SNX30: variants seen among roughly 807,000 people sequenced by gnomAD.
SNX30 encodes sorting nexin family member 30.
In SNX30, 24 loss-of-function variants were observed where a neutral mutation model predicts 46.4. The observed-to-expected ratio is 0.52, with a 90% CI of 0.37 to 0.73. The LOEUF is 0.73. SNX30 is among the 30% of genes least tolerant of loss of function. The probability of loss-of-function intolerance (pLI) is 0.00; values close to 1 mark genes in which losing one functional copy is unlikely to be tolerated. For missense variants in SNX30, 533 were observed against 555.7 expected (o/e 0.96, Z 0.41); for synonymous variants, 189 against 211.5 (o/e 0.89, Z 0.92).
At chr9:112,764,223 T>G (rs984087987) in intron 1 of SNX30, among the ~76,000 whole-genome samples, 1 of 152,180 alleles carries the variant, frequency 6.6e-6, no homozygotes, top group African/African-American at 2.4e-5. Context: ...CAGCACATAC[T>G]AAAGCTTAGC....
rs1841427372 is a variant in SNX30, at chr9:112,870,423, G to A, written c.*1580G>A. On this transcript the variant is annotated 3_prime_UTR_variant, in exon 9 of 9. Coordinates refer to ENST00000374232, the MANE Select transcript of SNX30 (RefSeq NM_001012994.2). ...TCATCCTCGCATCAGCCAAGGCTGT[G>A]GTGCTGTTGATGCCGCAGTTGGACA... 6.6e-6 allele frequency: 1 copy of A among 152,220 alleles called. No homozygotes were observed. The highest frequency in any genetic ancestry group is 2.4e-5 in the African/African-American group (1 of 41,462). The allele number at this position is 152,220 out of a possible 1,614,324, so 9.4% of individuals were successfully genotyped here.
chr9:112,825,400 T>TCC (rs1840565722), intron 3 of SNX30, among the ~76,000 whole-genome samples: 1 of 152,080 alleles, frequency 6.6e-6, no homozygotes, highest in African/African-American at 2.4e-5. Context: ...GTTCAAGCAA[T>TCC]CCTCCCACCT....
chr9:112,850,829 T>C, intron 6 of SNX30, 30 bp from the exon 7 acceptor site: 1 of 1,573,800 alleles, frequency 6.4e-7, no homozygotes, highest in East Asian at 2.2e-5. Context: ...GGACTCAGTG[T>C]TACATGCTTC....
At chr9:112,839,912 A>T (rs976494641) in intron 6 of SNX30, among the ~76,000 whole-genome samples, 2 of 152,244 alleles carry the variant, frequency 1.3e-5, no homozygotes, top group Non-Finnish European at 2.9e-5. Context: ...AACAGGAATT[A>T]AAAAATAATG....
At chr9:112,822,785 A>G (rs1475769833) in intron 3 of SNX30, among the ~76,000 whole-genome samples, 1 of 152,162 alleles carries the variant, frequency 6.6e-6, no homozygotes, top group Non-Finnish European at 1.5e-5. Context: ...AGTGTGATGA[A>G]ATCTCATGCA....
intron 1 of SNX30, among the ~76,000 whole-genome samples, chr9:112,775,954 G>A (rs955930873): frequency 6.6e-6 from 1 of 151,928 alleles, no homozygotes; most frequent in Non-Finnish European, 1.5e-5. Context: ...GTATTCCATT[G>A]TTTCAATTAG....
At position 112,865,661 on chromosome 9, in the gene SNX30, A is replaced by ATATATATATATATATG; in HGVS notation, c.1254+1263_1254+1264insATATATATATATATGT. Among the ~76,000 whole-genome samples the ATATATATATATATATG allele has an allele frequency of 2.4e-4, 25 of 105,684 alleles. 1 individual carries two copies. The highest frequency in any genetic ancestry group is 4.0e-4 in the Non-Finnish European group (21 of 52,674). The allele number at this position is 105,684 out of a possible 152,430, so 69.3% of individuals were successfully genotyped here. ...TATATATATATATATATATATATAT[A>ATATATATATATATATG]TGTATGTATGTATGCACACACACAC... On this transcript the variant is annotated intron_variant, in intron 8 of 8. Transcript: ENST00000374232.
intron 1 of SNX30, among the ~76,000 whole-genome samples, chr9:112,771,229 T>C (rs1245504954): frequency 6.6e-6 from 1 of 152,134 alleles, no homozygotes; most frequent in Non-Finnish European, 1.5e-5. Flanking sequence ...ATGGGTGGAG[T>C]ATACAGATAT....
At chr9:112,751,187 G>A (rs768883632) in intron 1 of SNX30, 30 bp downstream of exon 1, 1 of 1,417,356 alleles carries the variant, frequency 7.1e-7, no homozygotes, top group South Asian at 1.5e-5. Context: ...GGAGTGGGAG[G>A]CTTATTTCGC....
Position 112,834,869 on chromosome 9 carries a change from CA to C in SNX30, c.619-1344del, listed in dbSNP as rs1564285817. 3.6e-4 allele frequency among the ~76,000 whole-genome samples: 33 copies of C among 91,270 alleles called. 1 individual carries two copies. The highest frequency in any genetic ancestry group is 4.2e-4 in the South Asian group (1 of 2,380). The allele number at this position is 91,270 out of a possible 152,430, so 59.9% of individuals were successfully genotyped here. A position where few individuals can be genotyped will look rare whatever the true frequency, so the allele number is the denominator to read the frequency against. ...ACACACACACACACACACACACACA[CA>C]CACACACACACACCTACCTCAATAG... On this transcript the variant is annotated intron_variant, in intron 4 of 8. Coordinates refer to ENST00000374232, the MANE Select transcript of SNX30 (RefSeq NM_001012994.2).
intron 3 of SNX30, among the ~76,000 whole-genome samples, chr9:112,818,219 T>G (rs1184389636): frequency 4.2e-5 from 3 of 70,678 alleles, no homozygotes; most frequent in Non-Finnish European, 8.4e-5. Context: ...TTTTTTTTTT[T>G]GAGACAGAGT....
Position 112,865,675 on chromosome 9 carries a change from GCA to G in SNX30, c.1254+1290_1254+1291del, listed in dbSNP as rs768441437. ...TATATATATATATGTATGTATGTAT[GCA>G]CACACACACACACGTATACACACAT... On this transcript the variant is annotated intron_variant, in intron 8 of 8. Transcript: ENST00000374232. Among the ~76,000 whole-genome samples, 143 of 80,896 alleles carry G rather than the reference GCA, an allele frequency of 1.8e-3. 3 individuals are homozygous for G. Among genetic ancestry groups the G allele is most frequent in the African/African-American group, 4.3e-3 (87 of 20,130 alleles). 53.1% of individuals were successfully genotyped at this position (80,896 alleles called of 152,430 possible). A position where few individuals can be genotyped will look rare whatever the true frequency, so the allele number is the denominator to read the frequency against.
At chr9:112,794,629 A>G (rs151259780) in intron 1 of SNX30, among the ~76,000 whole-genome samples, 2 of 152,360 alleles carry the variant, frequency 1.3e-5, no homozygotes, top group East Asian at 3.9e-4. Context: ...CCTCCAATAG[A>G]ATCAAAAAGA....
chr9:112,807,346 G>A (rs1471246227), intron 2 of SNX30, among the ~76,000 whole-genome samples: 8 of 152,058 alleles, frequency 5.3e-5, no homozygotes, highest in East Asian at 1.9e-4. Context: ...GATTACAAGC[G>A]TGAGCCGCTG....
chr9:112,850,813 C>G, intron 6 of SNX30, 46 bp from the exon 7 acceptor site: 1 of 1,485,498 alleles, frequency 6.7e-7, no homozygotes, highest in Non-Finnish European at 9.4e-7. Context: ...TGGGAGGCCC[C>G]TTTGTGGACT....
intron 2 of SNX30, among the ~76,000 whole-genome samples, chr9:112,807,043 C>G (rs1588122681): frequency 8.1e-6 from 1 of 122,940 alleles, no homozygotes; most frequent in Non-Finnish European, 1.7e-5. Flanking sequence ...TCTGTCTTTT[C>G]TTTTCTATCT....
chr9:112,794,429 G>A lies in SNX30; in HGVS notation c.157-10347G>A, dbSNP rs142272994. On this transcript the variant is annotated intron_variant, in intron 1 of 8. Transcript: ENST00000374232. ...ACCTCCCAAAGTGCTGGGATTACAG[G>A]TGTGAGCCACTGCGCGTGGCCAACA... 9.9e-4 allele frequency among the ~76,000 whole-genome samples: 151 copies of A among 152,354 alleles called. No individual in the cohort carries two copies. In the East Asian group the frequency reaches 0.02, roughly 20 times the overall value.
intron 1 of SNX30, among the ~76,000 whole-genome samples, chr9:112,791,011 C>A (rs1372500240): frequency 1.3e-5 from 2 of 152,078 alleles, no homozygotes. Flanking sequence ...AAAAGGTCTT[C>A]ATTTTTAAAA....
intron 7 of SNX30, among the ~76,000 whole-genome samples, chr9:112,858,768 G>C (rs926409939): frequency 2.0e-5 from 3 of 152,134 alleles, no homozygotes; most frequent in Non-Finnish European, 4.4e-5. Context: ...TGTTCTCTCT[G>C]ATTCACCACC....
Sources: allele counts gnomAD v4.1 joint callset (sites outside exome capture counted in the v4.1 genomes callset), GRCh38; gene constraint gnomAD v4.1.1; transcripts MANE v1.5; gene names NCBI Gene and HGNC (gene_info 2026-07-23, HGNC 2026-07-21).